Variants in NOX3 observed in about 807,000 individuals in gnomAD.
NOX3 encodes NADPH oxidase 3, also known as NADPH oxidase catalytic subunit-like 3.
In NOX3, 74 loss-of-function variants were observed where a neutral mutation model predicts 76.7. The observed-to-expected ratio is 0.96, with a 90% CI of 0.80 to 1.17. NOX3 has a LOEUF of 1.17. NOX3 is among the 50% of genes most tolerant of loss of function. The pLI, the probability that NOX3 is intolerant of heterozygous loss-of-function variation, is 0.00. For synonymous variants in NOX3, 263 were observed against 261.1 expected (o/e 1.01, Z -0.07); for missense variants, 695 against 703.3 (o/e 0.99, Z 0.13).
At chr6:155,434,535 T>A (rs2114698607) in intron 7 of NOX3, among the ~76,000 whole-genome samples, 1 of 152,328 alleles carries the variant, frequency 6.6e-6, no homozygotes. Flanking sequence ...AGGTCTCTTA[T>A]GCTTGAATGA....
At chr6:155,447,741 C>A (rs552297409) in intron 4 of NOX3, among the ~76,000 whole-genome samples, 1 of 152,290 alleles carries the variant, frequency 6.6e-6, no homozygotes, top group Non-Finnish European at 1.5e-5. Context: ...GAGAAAACTG[C>A]TTATGCCGAT....
At position 155,422,826 on chromosome 6, in the gene NOX3, G is replaced by T. The variant is rs753821923; in HGVS notation, c.1176C>A (p.Ala392=). The change falls in exon 10 of 14, where the codon GCC becomes GCA. Residue 392 remains alanine (A), a synonymous_variant. Transcript: ENST00000159060. Reference sequence around the variant, plus strand: ...CTGGGTAGTGAAATACATCTGTCAGGGCAGTTCCAAAGGGCCCGTCCACTG... The same window carrying T: ...CTGGGTAGTGAAATACATCTGTCAGTGCAGTTCCAAAGGGCCCGTCCACTG... ...RLAVDGPFGT[A]LTDVFHYPVC... is the part of the protein sequence containing the mutation. 1 of 1,614,152 alleles carries T rather than the reference G, an allele frequency of 6.2e-7. No homozygotes were observed. The highest frequency in any genetic ancestry group is 1.7e-5 in the Admixed American group (1 of 60,020).
rs1324589709 is a variant in NOX3 at position 155,453,496 on chromosome 6, A to G, written c.256-8T>C. On this transcript the variant is annotated splice_polypyrimidine_tract_variant and splice_region_variant and intron_variant, in intron 3 of 13. Transcript: ENST00000159060. The stretch of plus-strand genomic sequence containing the variant: ...CCACGGTCCTCTGCAGCACTAGAGT[A>G]ACAAAAAAATATGCCTGATTTATGG... The G allele has an allele frequency of 6.2e-7, 1 of 1,607,004 alleles. No homozygotes were observed. Among genetic ancestry groups the G allele is most frequent in the Non-Finnish European group, 8.5e-7 (1 of 1,173,774 alleles).
intron 5 of NOX3, among the ~76,000 whole-genome samples, chr6:155,442,924 T>C (rs1777012516): frequency 6.6e-6 from 1 of 152,226 alleles, no homozygotes; most frequent in Non-Finnish European, 1.5e-5. Context: ...GCACTTCACC[T>C]TCTTTATGAG....
chr6:155,403,430 T>C lies in NOX3; in HGVS notation c.1580+3700A>G, dbSNP rs537883638. On this transcript the variant is annotated intron_variant, in intron 12 of 13. Coordinates refer to ENST00000159060, the MANE Select transcript of NOX3 (RefSeq NM_015718.3). Reference sequence around the variant, plus strand: ...AGCTATATAACAAGTTACCATGTTCTAGAGTCTAAGGCTATTACAAATATG... The same window carrying C: ...AGCTATATAACAAGTTACCATGTTCCAGAGTCTAAGGCTATTACAAATATG... Among the ~76,000 whole-genome samples the C allele has an allele frequency of 8.5e-5, 13 of 152,306 alleles. No homozygotes were observed. The South Asian group carries it at 2.7e-3, about 32-fold the overall frequency.
In NOX3 at chr6:155,440,000, A is replaced by G. The variant is rs775019877; in HGVS notation, c.624T>C (p.His208=). ...GGCTGAGAAAGAAGACGATGAAAACATGGTGTGTGTACCAGAACAACTCAT... is the reference window on the plus strand; with the variant it reads ...GGCTGAGAAAGAAGACGATGAAAACGTGGTGTGTGTACCAGAACAACTCAT... The part of the protein sequence containing the change: ...ASYELFWYTH[H]VFIVFFLSLA... Residue 208 remains histidine (H), a synonymous_variant, in exon 6 of 14, where the codon CAT becomes CAC. Transcript: ENST00000159060. 3.7e-6 allele frequency: 6 copies of G among 1,614,048 alleles called. No individual in the cohort carries two copies. In the Admixed American group the frequency reaches 8.3e-5, roughly 22 times the overall value.
intron 4 of NOX3, among the ~76,000 whole-genome samples, chr6:155,451,524 A>G (rs866198128): frequency 9.8e-5 from 15 of 152,342 alleles, no homozygotes; most frequent in Non-Finnish European, 1.3e-4. Context: ...CATTGGTATT[A>G]TTGATACACG....
chr6:155,398,887 C>T (rs1179859984), intron 12 of NOX3, among the ~76,000 whole-genome samples: 4 of 152,170 alleles, frequency 2.6e-5, no homozygotes, highest in African/African-American at 7.2e-5. Context: ...CAGGTCTGGC[C>T]GCTGGTCCTG....
chr6:155,420,696 C>T (rs1776678332), intron 10 of NOX3, among the ~76,000 whole-genome samples: 1 of 152,012 alleles, frequency 6.6e-6, no homozygotes. Flanking sequence ...CCTTAGTTTT[C>T]TCATCTGTAA....
chr6:155,411,803 A>G (rs1030616110), intron 10 of NOX3, among the ~76,000 whole-genome samples: 3 of 152,196 alleles, frequency 2.0e-5, no homozygotes, highest in Non-Finnish European at 4.4e-5. Flanking sequence ...ACACTAATCC[A>G]CTTCACTAGC....
chr6:155,416,018 C>T (rs2114684651), intron 10 of NOX3, among the ~76,000 whole-genome samples: 1 of 152,320 alleles, frequency 6.6e-6, no homozygotes, highest in East Asian at 1.9e-4. Flanking sequence ...GAAGCAGAAT[C>T]TCAGCATTCA....
At chr6:155,436,361 C>T (rs1776903213) in intron 7 of NOX3, 57 bp downstream of exon 7, 1 of 1,597,152 alleles carries the variant, frequency 6.3e-7, no homozygotes, top group Admixed American at 1.7e-5. Flanking sequence ...CCTATAAAAA[C>T]TCTGTATTTT....
chr6:155,422,840 GC>G lies in NOX3; in HGVS notation c.1161del (p.Phe389LeufsTer5), dbSNP rs766120166. ...PWSLPRLAVD[G>X]PFGTALTDVF... ...ACATCTGTCAGGGCAGTTCCAAAGG[GC>G]CCGTCCACTGCCAGCCTGGAATCAT... is the stretch of plus-strand genomic sequence containing the variant. On this transcript the variant is annotated frameshift_variant, in exon 10 of 14. Transcript: ENST00000159060. LOFTEE classifies it high-confidence loss of function. The G allele has an allele frequency of 7.2e-5, 117 of 1,614,042 alleles. No individual in the cohort carries two copies. The highest frequency in any genetic ancestry group is 9.6e-5 in the Non-Finnish European group (113 of 1,180,014).
At position 155,453,608 on chromosome 6, in the gene NOX3, A is replaced by T. The variant is rs1277560101; in HGVS notation, c.256-120T>A. 4 of 759,890 alleles carry T rather than the reference A, an allele frequency of 5.3e-6. No homozygotes were observed. In the Admixed American group the frequency reaches 8.2e-5, roughly 16 times the overall value. 47.1% of individuals were successfully genotyped at this position (759,890 alleles called of 1,614,324 possible). ...AAACTGCTTAAAGTGGGGCTATGTG[A>T]CACAAAAGTTAATGGCCATTAGTCA... is the stretch of plus-strand genomic sequence containing the variant. On this transcript the variant is annotated intron_variant, in intron 3 of 13. Coordinates refer to ENST00000159060, the MANE Select transcript of NOX3 (RefSeq NM_015718.3).
intron 12 of NOX3, among the ~76,000 whole-genome samples, chr6:155,403,652 G>C (rs1779263447): frequency 6.6e-6 from 1 of 152,144 alleles, no homozygotes; most frequent in East Asian, 1.9e-4. Context: ...CTTCTAGAAA[G>C]GTATGAGCAA....
Position 155,453,513 on chromosome 6 carries a change from G to T in NOX3, c.256-25C>A, listed in dbSNP as rs752554185. On this transcript the variant is annotated intron_variant, in intron 3 of 13. Transcript: ENST00000159060. ...ACTAGAGTAACAAAAAAATATGCCTGATTTATGGAAAAATTGCAGTGAAAA... is the reference window on the plus strand; with the variant it reads ...ACTAGAGTAACAAAAAAATATGCCTTATTTATGGAAAAATTGCAGTGAAAA... The T allele has an allele frequency of 5.8e-6, 9 of 1,549,394 alleles. No homozygotes were observed. In the Admixed American group the frequency reaches 1.3e-4, roughly 23 times the overall value.
At chr6:155,434,483 G>A (rs1045783720) in intron 7 of NOX3, among the ~76,000 whole-genome samples, 4 of 152,192 alleles carry the variant, frequency 2.6e-5, no homozygotes, top group African/African-American at 7.2e-5. Context: ...TGTAGGAAGC[G>A]TCCCTGGGAA....
At chr6:155,443,097 C>A (rs769210382) in intron 5 of NOX3, among the ~76,000 whole-genome samples, 176 bp downstream of exon 5, 2 of 152,054 alleles carry the variant, frequency 1.3e-5, no homozygotes, top group Non-Finnish European at 2.9e-5. Flanking sequence ...AACTTCCCAG[C>A]AACATTAATG....
intron 9 of NOX3, among the ~76,000 whole-genome samples, chr6:155,425,294 T>C (rs1776742448): frequency 6.6e-6 from 1 of 152,224 alleles, no homozygotes; most frequent in Non-Finnish European, 1.5e-5. Context: ...TTTCTCCAGA[T>C]TTTTAACAAT....
Sources: gnomAD v4.1 joint callset for allele counts (sites outside exome capture counted in the v4.1 genomes callset) on GRCh38, gnomAD v4.1.1 for gene constraint, MANE v1.5 for transcripts, NCBI Gene and HGNC (gene_info 2026-07-23, HGNC 2026-07-21) for gene names.